Variants in PRDM6 observed in about 807,000 individuals in gnomAD.
The protein encoded by PRDM6 is PR/SET domain 6, also known as putative histone-lysine N-methyltransferase PRDM6.
A neutral mutation model predicts 60.8 loss-of-function variants in PRDM6; 25 were observed. The observed-to-expected ratio is 0.41, with a 90% CI of 0.30 to 0.57. PRDM6 has a LOEUF of 0.57. Among genes scored for constraint, PRDM6 ranks in the 20% least tolerant of loss-of-function variants. The probability of loss-of-function intolerance (pLI) is 0.27; values close to 1 mark genes in which losing one functional copy is unlikely to be tolerated. For missense variants in PRDM6, 839 were observed against 821.3 expected (o/e 1.02, Z -0.26); for synonymous variants, 407 against 357.4 (o/e 1.14, Z -1.57).
At chr5:123,171,725 A>T (rs77689869) in intron 6 of PRDM6, among the ~76,000 whole-genome samples, 5,962 of 152,262 alleles carry the variant, frequency 0.039, 392 homozygotes, top group African/African-American at 0.13. Context: ...GTTGGTTTGA[A>T]AGTTTGTCAA....
intron 3 of PRDM6, among the ~76,000 whole-genome samples, chr5:123,143,005 C>T (rs182352432): frequency 6.6e-6 from 1 of 151,858 alleles, no homozygotes; most frequent in East Asian, 1.9e-4. Context: ...CCGAAGAAAC[C>T]CATCAACCTT....
At chr5:123,151,262 C>T (rs886084108) in intron 3 of PRDM6, among the ~76,000 whole-genome samples, 1 of 152,154 alleles carries the variant, frequency 6.6e-6, no homozygotes, top group Non-Finnish European at 1.5e-5. Context: ...GAAATGTCTC[C>T]TCACTCCCTG....
At chr5:123,121,153 T>TA (rs1334196673) in intron 3 of PRDM6, among the ~76,000 whole-genome samples, 2 of 152,200 alleles carry the variant, frequency 1.3e-5, no homozygotes, top group Admixed American at 6.5e-5. Context: ...TTTGCACACT[T>TA]AAAACGGAGT....
At chr5:123,154,624 C>T (rs571045020) in intron 3 of PRDM6, among the ~76,000 whole-genome samples, 3 of 152,316 alleles carry the variant, frequency 2.0e-5, no homozygotes, top group Admixed American at 1.3e-4. Context: ...AATAGAACTG[C>T]TGAGCTAAAC....
chr5:123,181,503 G>C (rs1007357253), intron 7 of PRDM6, among the ~76,000 whole-genome samples: 2 of 152,178 alleles, frequency 1.3e-5, no homozygotes, highest in African/African-American at 4.8e-5. Context: ...TGGTTGATTG[G>C]TGTTCTCAGA....
At chr5:123,164,517 C>T (rs909789271) in intron 5 of PRDM6, among the ~76,000 whole-genome samples, 1 of 152,094 alleles carries the variant, frequency 6.6e-6, no homozygotes, top group Admixed American at 6.6e-5. Context: ...AAACCCTGAG[C>T]CAAGAAACTA....
intron 3 of PRDM6, among the ~76,000 whole-genome samples, chr5:123,154,491 G>A (rs2126871626): frequency 6.6e-6 from 1 of 151,956 alleles, no homozygotes; most frequent in Middle Eastern, 3.4e-3. Context: ...AGAGGAATGA[G>A]TTCAAGAAAA....
chr5:123,176,270 T>TAAAAAAAAAAA (rs780046640), intron 6 of PRDM6, among the ~76,000 whole-genome samples: 15 of 121,336 alleles, frequency 1.2e-4, no homozygotes, highest in African/African-American at 2.5e-4. Flanking sequence ...TCTCAAATGG[T>TAAAAAAAAAAA]AAAAAAAAAA....
chr5:123,101,734 T>C (rs940103338), intron 3 of PRDM6, among the ~76,000 whole-genome samples: 3 of 152,004 alleles, frequency 2.0e-5, no homozygotes, highest in South Asian at 2.1e-4. Flanking sequence ...GTGGGTTTTT[T>C]CCCCCCCAGA....
rs146411333 is a variant in PRDM6 at position 123,105,100 on chromosome 5, G to C, written c.900+5139G>C. 3.8e-3 allele frequency among the ~76,000 whole-genome samples: 582 copies of C among 152,304 alleles called. 3 individuals carry two copies. Among genetic ancestry groups the C allele is most frequent in the African/African-American group, 0.013 (556 of 41,574 alleles). On this transcript the variant is annotated intron_variant, in intron 3 of 7. Coordinates refer to ENST00000407847, the MANE Select transcript of PRDM6 (RefSeq NM_001136239.4). Reference sequence around the variant, plus strand: ...CACTTTATAAAGACTGATGAGTTCTGTATCCACCGGATTATTTTTCTCATT... The same window carrying C: ...CACTTTATAAAGACTGATGAGTTCTCTATCCACCGGATTATTTTTCTCATT...
chr5:123,164,472 A>T (rs952138797), intron 5 of PRDM6, among the ~76,000 whole-genome samples: 1 of 152,200 alleles, frequency 6.6e-6, no homozygotes, highest in Non-Finnish European at 1.5e-5. Context: ...GTAGGATGTT[A>T]TGAGGCTTGA....
intron 3 of PRDM6, among the ~76,000 whole-genome samples, chr5:123,140,681 A>C (rs1008504549): frequency 6.6e-6 from 1 of 152,156 alleles, no homozygotes; most frequent in Non-Finnish European, 1.5e-5. Context: ...ATAGGCTATG[A>C]ATTTTTGCTT....
intron 4 of PRDM6, among the ~76,000 whole-genome samples, chr5:123,158,955 A>G (rs947700646): frequency 2.0e-5 from 3 of 152,084 alleles, no homozygotes; most frequent in Admixed American, 6.5e-5. Context: ...GTATTTATTG[A>G]ATTTCCATCC....
chr5:123,155,511 G>A (rs3894465), intron 3 of PRDM6, among the ~76,000 whole-genome samples: 2 of 152,078 alleles, frequency 1.3e-5, no homozygotes, highest in African/African-American at 2.4e-5. Context: ...GGGGGGCCTC[G>A]AATGTGGATG....
At chr5:123,126,895 G>T (rs1331486715) in intron 3 of PRDM6, among the ~76,000 whole-genome samples, 1 of 152,080 alleles carries the variant, frequency 6.6e-6, no homozygotes, top group African/African-American at 2.4e-5. Flanking sequence ...TTTATAACGT[G>T]ACACAAAGTA....
chr5:123,181,244 C>A (rs1401079521), intron 7 of PRDM6, among the ~76,000 whole-genome samples: 1 of 152,130 alleles, frequency 6.6e-6, no homozygotes, highest in African/African-American at 2.4e-5. Flanking sequence ...CTTTGAAAAC[C>A]TCATAGTCTA....
chr5:123,117,084 C>T (rs756479342), intron 3 of PRDM6, among the ~76,000 whole-genome samples: 38 of 152,308 alleles, frequency 2.5e-4, no homozygotes, highest in Non-Finnish European at 4.9e-4. Flanking sequence ...CTTTTATGCA[C>T]ATAACTGGTC....
chr5:123,103,402 G>A, intron 3 of PRDM6, among the ~76,000 whole-genome samples: 1 of 152,038 alleles, frequency 6.6e-6, no homozygotes, highest in South Asian at 2.1e-4. Context: ...ACTTGCCTTG[G>A]TTATATATAT....
intron 3 of PRDM6, among the ~76,000 whole-genome samples, chr5:123,150,670 G>A (rs459457): frequency 6.6e-6 from 1 of 152,256 alleles, no homozygotes; most frequent in African/African-American, 2.4e-5. Context: ...GAATTTTATA[G>A]AAGGATGGGG....
Sources: gnomAD v4.1 joint callset for allele counts (sites outside exome capture counted in the v4.1 genomes callset) on GRCh38, gnomAD v4.1.1 for gene constraint, MANE v1.5 for transcripts, NCBI Gene and HGNC (gene_info 2026-07-23, HGNC 2026-07-21) for gene names.